Variants in RYR2 observed in about 807,000 individuals in gnomAD.
The protein encoded by RYR2 is cardiac muscle ryanodine receptor-calcium release channel.
RYR2 carries 227 observed loss-of-function variants against 601.1 expected under a neutral mutation model. The observed-to-expected ratio is 0.38, with a 90% CI of 0.34 to 0.42. The LOEUF (loss-of-function observed/expected upper bound fraction) is 0.42, where lower values mean the gene tolerates loss of function less well. RYR2 is among the 10% of genes least tolerant of loss of function. The probability of loss-of-function intolerance (pLI) is 1.00; values close to 1 mark genes in which losing one functional copy is unlikely to be tolerated. For missense variants in RYR2, 4,646 were observed against 6,156.5 expected, an observed-to-expected ratio of 0.75 and a Z score of 8.21; for synonymous variants, 2,223 against 2,175.1, an observed-to-expected ratio of 1.02 and a Z score of -0.61.
At position 237,662,563 on chromosome 1, in the gene RYR2, A is replaced by T. The variant is rs1173651432; in HGVS notation, c.8436+1616A>T. ...ACAAATGGAGGTGACTTTAGGCTTC[A>T]TGAAAAATAAGGTAGATTCTCCCAC... On this transcript the variant is annotated intron_variant, in intron 56 of 104. Transcript: ENST00000366574. Among the ~76,000 whole-genome samples, 18 of 152,174 alleles carry T rather than the reference A, an allele frequency of 1.2e-4. 1 individual carries two copies. Among genetic ancestry groups the T allele is most frequent in the African/African-American group, 4.1e-4 (17 of 41,534 alleles).
intron 14 of RYR2, among the ~76,000 whole-genome samples, chr1:237,453,032 G>A (rs2392692): frequency 0.52 from 79,304 of 151,810 alleles, 22,119 homozygotes; most frequent in East Asian, 0.74. Context: ...ATACTGAATC[G>A]TTTTTGAATT....
chr1:237,335,315 T>G (rs978447685), intron 3 of RYR2, among the ~76,000 whole-genome samples: 2 of 152,242 alleles, frequency 1.3e-5, no homozygotes, highest in African/African-American at 4.8e-5. Context: ...CACTTTTCTC[T>G]CACACAACTT....
rs891681904 is a variant in RYR2, at chr1:237,540,911, G to GTGTA, written c.2907-7519_2907-7518insGTAT. Among the ~76,000 whole-genome samples the GTGTA allele has an allele frequency of 1.0e-4, 15 of 148,784 alleles. No homozygotes were observed. In the East Asian group the frequency reaches 3.0e-3, roughly 29 times the overall value. ...TGATATGGTTGATGCATGTGTGTGT[G>GTGTA]TATATATATATATATATATGTATGC... On this transcript the variant is annotated intron_variant, in intron 25 of 104. Transcript: ENST00000366574.
At chr1:237,799,775 C>G (rs931170554) in intron 97 of RYR2, among the ~76,000 whole-genome samples, 11 of 152,080 alleles carry the variant, frequency 7.2e-5, no homozygotes, top group Non-Finnish European at 1.2e-4. Context: ...ACACATAAGG[C>G]TTGGTATGTG....
intron 1 of RYR2, among the ~76,000 whole-genome samples, chr1:237,124,145 C>T (rs1052770436): frequency 9.9e-5 from 15 of 152,200 alleles, no homozygotes; most frequent in African/African-American, 3.6e-4. Context: ...AAGCTGGCAT[C>T]TTGCCATTGG....
chr1:237,491,243 A>T (rs1249918221), intron 17 of RYR2, among the ~76,000 whole-genome samples: 1 of 152,020 alleles, frequency 6.6e-6, no homozygotes, highest in Non-Finnish European at 1.5e-5. Flanking sequence ...TATTTCTCTT[A>T]TTTAACAAAC....
At chr1:237,332,977 C>T (rs1159113351) in intron 3 of RYR2, among the ~76,000 whole-genome samples, 1 of 152,040 alleles carries the variant, frequency 6.6e-6, no homozygotes, top group African/African-American at 2.4e-5. Flanking sequence ...CCACAGTGTA[C>T]CCAGCTTCTA....
intron 4 of RYR2, among the ~76,000 whole-genome samples, chr1:237,362,021 G>C (rs970114058): frequency 6.6e-6 from 1 of 152,020 alleles, no homozygotes; most frequent in African/African-American, 2.4e-5. Context: ...TGACACCCAG[G>C]GCCGTCTATG....
At chr1:237,587,131 TA>T (rs1293459882) in intron 29 of RYR2, among the ~76,000 whole-genome samples, 3 of 152,320 alleles carry the variant, frequency 2.0e-5, no homozygotes, top group Non-Finnish European at 4.4e-5. Flanking sequence ...GCTTAGTGAG[TA>T]ATTATCGAAT....
chr1:237,309,296 G>T (rs1224233825), intron 2 of RYR2, among the ~76,000 whole-genome samples: 1 of 150,536 alleles, frequency 6.6e-6, no homozygotes, highest in Non-Finnish European at 1.5e-5. Context: ...GGTTCTCCAA[G>T]TCCCCACTAG....
intron 1 of RYR2, among the ~76,000 whole-genome samples, chr1:237,122,914 A>T (rs1981178): frequency 2.0e-5 from 3 of 151,974 alleles, no homozygotes; most frequent in South Asian, 2.1e-4. Context: ...TAAAAACCTT[A>T]TGTATATAAG....
chr1:237,641,471 GTCTTTCTTTCTT>G (rs796832994), intron 47 of RYR2, among the ~76,000 whole-genome samples: 4,239 of 108,520 alleles, frequency 0.039, 103 homozygotes, highest in Admixed American at 0.099. Flanking sequence ...GTGTCTGTCT[GTCTTTCTTTCTT>G]TCTTTCTTTC....
chr1:237,629,125 C>T (rs1016955997), intron 41 of RYR2, among the ~76,000 whole-genome samples: 1 of 152,032 alleles, frequency 6.6e-6, no homozygotes, highest in African/African-American at 2.4e-5. Flanking sequence ...TGGGATGCAA[C>T]ACGTTTTTTT....
intron 77 of RYR2, among the ~76,000 whole-genome samples, chr1:237,731,319 T>C (rs1167997665): frequency 6.6e-6 from 1 of 152,156 alleles, no homozygotes; most frequent in Non-Finnish European, 1.5e-5. Context: ...ATAAAAATGC[T>C]TAATAATTTT....
rs1685196921 is a variant in RYR2 at position 237,674,194 on chromosome 1, C to G, written c.8689C>G (p.Gln2897Glu). The change falls in exon 59 of 105, where the codon CAG (glutamine) becomes GAG (glutamate). Residue 2897 changes from glutamine to glutamate, a missense_variant. By Grantham distance (29) the Gln-to-Glu change is conservative (BLOSUM62 2). Coordinates refer to ENST00000366574, the MANE Select transcript of RYR2 (RefSeq NM_001035.3). ...EKAQDILKFL[Q>E]INGYAVSRGF... ...AGCACAGGACATCCTCAAGTTCTTG[C>G]AGATCAATGGATATGCTGTATCCAG... 6.2e-7 allele frequency: 1 copy of G among 1,611,828 alleles called. No homozygotes were observed. Among genetic ancestry groups the G allele is most frequent in the African/African-American group, 1.3e-5 (1 of 74,872 alleles).
At chr1:237,609,193 C>T (rs1209592644) in intron 35 of RYR2, among the ~76,000 whole-genome samples, 2 of 107,640 alleles carry the variant, frequency 1.9e-5, no homozygotes, top group Non-Finnish European at 4.4e-5. Context: ...CCTTCCTGCC[C>T]TCCTATCTTC....
chr1:237,720,038 TGGTGG>T (rs989097383), intron 73 of RYR2, among the ~76,000 whole-genome samples: 6 of 152,250 alleles, frequency 3.9e-5, no homozygotes, highest in Non-Finnish European at 8.8e-5. Flanking sequence ...TACTTTTTAA[TGGTGG>T]GTGAAAGAAT....
chr1:237,487,409 A>G (rs1184172491), intron 17 of RYR2, among the ~76,000 whole-genome samples: 2 of 152,006 alleles, frequency 1.3e-5, no homozygotes, highest in African/African-American at 4.8e-5. Flanking sequence ...GTTTATTTCA[A>G]TAAAATTAAA....
intron 92 of RYR2, among the ~76,000 whole-genome samples, chr1:237,789,998 G>A (rs1486505604): frequency 2.0e-5 from 3 of 152,170 alleles, no homozygotes; most frequent in East Asian, 3.8e-4. Flanking sequence ...GAAATGACAC[G>A]AACAGAGATG....
Sources: gnomAD v4.1 joint callset for allele counts (sites outside exome capture counted in the v4.1 genomes callset) on GRCh38, gnomAD v4.1.1 for gene constraint, MANE v1.5 for transcripts, NCBI Gene and HGNC (gene_info 2026-07-23, HGNC 2026-07-21) for gene names.